The following TTC3 variants were observed in gnomAD, a reference collection of about 807,000 sequenced individuals.
The protein encoded by TTC3 is E3 ubiquitin-protein ligase TTC3.
A neutral mutation model predicts 249.6 loss-of-function variants in TTC3; 180 were observed. The observed-to-expected ratio is 0.72, with a 90% confidence interval of 0.64 to 0.82. The LOEUF (loss-of-function observed/expected upper bound fraction) is 0.82. Ranked by LOEUF, TTC3 falls within the 40% of genes least tolerant of loss-of-function variation. The pLI is 0.00. For synonymous variants in TTC3, 717 were observed against 805.0 expected, an observed-to-expected ratio of 0.89 and a Z score of 1.85; for missense variants, 2,061 against 2,398.4, an observed-to-expected ratio of 0.86 and a Z score of 2.94.
Position 37,150,800 on chromosome 21 carries a change from T to C in TTC3, c.2212-20T>C. On this transcript the variant is annotated intron_variant, in intron 24 of 45. Coordinates refer to ENST00000355666, the Ensembl canonical transcript of TTC3. ...ATGGGAGTATGAGACAAATTTTGGA[T>C]GTCTTTGTTTTATTTAAAGTTTGAA... is the stretch of plus-strand genomic sequence containing the variant. The C allele has an allele frequency of 1.9e-6, 3 of 1,589,784 alleles. No homozygotes were observed. Among genetic ancestry groups the C allele is most frequent in the Non-Finnish European group, 2.6e-6 (3 of 1,159,632 alleles).
chr21:37,166,437 A>G (rs757843147), exon 33 of TTC3: 2 of 1,614,210 alleles, frequency 1.2e-6, no homozygotes, highest in Non-Finnish European at 8.5e-7. Flanking sequence ...CAGATCCTTG[A>G]GGGCTCTTTG....
intron 16 of TTC3, 112 bp downstream of exon 16, chr21:37,129,175 A>T: frequency 1.9e-6 from 1 of 536,098 alleles, no homozygotes; most frequent in East Asian, 3.3e-5. Context: ...TATTATGATG[A>T]CTACCAAAAT....
exon 33 of TTC3, chr21:37,166,035 T>G: frequency 6.2e-7 from 1 of 1,613,996 alleles, no homozygotes; most frequent in Non-Finnish European, 8.5e-7. Flanking sequence ...CCCAAAGGGG[T>G]CTCTTCTAAT....
chr21:37,199,568 G>A (rs1308188814), intron 44 of TTC3, among the ~76,000 whole-genome samples: 1 of 152,224 alleles, frequency 6.6e-6, no homozygotes, highest in East Asian at 1.9e-4. Context: ...GATGTTTGCC[G>A]GATGAGCCAT....
At chr21:37,082,463 T>G in intron 1 of TTC3, 1 of 985,048 alleles carries the variant, frequency 1.0e-6, no homozygotes, top group Non-Finnish European at 1.2e-6. Context: ...GATGCTTGCT[T>G]TCTGAAAGCA....
rs2070337690 is a variant in TTC3, at chr21:37,073,571, C to T, written c.-12+207C>T. On this transcript the variant is annotated intron_variant, in intron 1 of 45. Coordinates refer to ENST00000355666, the Ensembl canonical transcript of TTC3. ...CCGCGCGATGAGGGGGTGTGGCCGC[C>T]ATTGCCTACCCCAGTGGGTTTGCCC... The T allele has an allele frequency of 3.3e-6, 3 of 911,264 alleles. No individual in the cohort carries two copies. In the African/African-American group the frequency reaches 5.4e-5, roughly 16 times the overall value. The allele number at this position is 911,264 out of a possible 1,614,324, so 56.4% of individuals were successfully genotyped here.
rs770311357 is a variant in TTC3 at position 37,132,785 on chromosome 21, C to T, written c.1443+19C>T. 6.4e-6 allele frequency: 10 copies of T among 1,573,172 alleles called. No individual in the cohort carries two copies. In the Admixed American group the frequency reaches 1.1e-4, roughly 18 times the overall value. ...ACACCAGGTAATGGAGAAGCTTTTCCAATGGAAAAAGCAAAACTCTTTGAA... is the reference window on the plus strand; with the variant it reads ...ACACCAGGTAATGGAGAAGCTTTTCTAATGGAAAAAGCAAAACTCTTTGAA... On this transcript the variant is annotated intron_variant, in intron 17 of 45. Coordinates refer to ENST00000355666, the Ensembl canonical transcript of TTC3.
intron 1 of TTC3, among the ~76,000 whole-genome samples, chr21:37,079,747 T>C (rs1403297933): frequency 6.6e-6 from 1 of 152,096 alleles, no homozygotes; most frequent in East Asian, 1.9e-4. Flanking sequence ...TTGGCCAGGC[T>C]CTTCACAAAC....
intron 7 of TTC3, 34 bp downstream of exon 7, chr21:37,091,447 C>T (rs1193972506): frequency 6.4e-7 from 1 of 1,571,720 alleles, no homozygotes; most frequent in South Asian, 1.2e-5. Context: ...TTACTTGACT[C>T]AGTTTTTAAA....
chr21:37,115,365 A>G (rs1481026831), intron 11 of TTC3, among the ~76,000 whole-genome samples: 1 of 152,128 alleles, frequency 6.6e-6, no homozygotes, highest in Non-Finnish European at 1.5e-5. Flanking sequence ...GGCAGAAATT[A>G]AAGAGGCTGA....
At chr21:37,117,092 G>T (rs1201584399) in intron 11 of TTC3, among the ~76,000 whole-genome samples, 2 of 152,054 alleles carry the variant, frequency 1.3e-5, no homozygotes, top group Non-Finnish European at 2.9e-5. Flanking sequence ...GAGAAAAATA[G>T]AATATAGCAA....
intron 12 of TTC3, 55 bp from the exon 13 acceptor site, chr21:37,122,928 C>A: frequency 6.3e-7 from 1 of 1,578,514 alleles, no homozygotes; most frequent in South Asian, 1.1e-5. Context: ...CTTTTAAAGT[C>A]TGTGTTGCCA....
At chr21:37,185,486 G>T (rs556829523) in intron 36 of TTC3, among the ~76,000 whole-genome samples, 88 of 152,198 alleles carry the variant, frequency 5.8e-4, no homozygotes, top group Admixed American at 5.6e-3. Flanking sequence ...ATATGACTTA[G>T]AGTGAAGAAA....
chr21:37,151,002 A>G (rs2079414696), intron 25 of TTC3, 118 bp downstream of exon 25: 1 of 598,296 alleles, frequency 1.7e-6, no homozygotes, highest in Non-Finnish European at 2.8e-6. Flanking sequence ...ATATATTCAA[A>G]TAAGTGTTTT....
chr21:37,130,532 T>G (rs1271651861), intron 16 of TTC3, among the ~76,000 whole-genome samples: 1 of 152,210 alleles, frequency 6.6e-6, no homozygotes, highest in Non-Finnish European at 1.5e-5. Flanking sequence ...TGGAACATAG[T>G]AAATCTTCAG....
At position 37,182,756 on chromosome 21, in the gene TTC3, C is replaced by T. The variant is rs767482680; in HGVS notation, c.4618-18C>T. The T allele has an allele frequency of 1.9e-6, 3 of 1,562,470 alleles. No individual in the cohort carries two copies. The highest frequency in any genetic ancestry group is 2.6e-6 in the Non-Finnish European group (3 of 1,158,228). The stretch of plus-strand genomic sequence containing the variant: ...GTATATTTTGCCATTTATTTAAGTA[C>T]TTTCTAAATGTTTTTAGATCTCAAA... On this transcript the variant is annotated intron_variant, in intron 35 of 45. Transcript: ENST00000355666.
Position 37,185,697 on chromosome 21 carries a change from C to A in TTC3, c.4758-9C>A. The A allele has an allele frequency of 6.6e-7, 1 of 1,520,440 alleles. No homozygotes were observed. Among genetic ancestry groups the A allele is most frequent in the Non-Finnish European group, 8.8e-7 (1 of 1,136,510 alleles). The allele number at this position is 1,520,440 out of a possible 1,614,324, so 94.2% of individuals were successfully genotyped here. A position where few individuals can be genotyped will look rare whatever the true frequency, so the allele number is the denominator to read the frequency against. Reference sequence around the variant, plus strand: ...AATTAATTAATATTTGGTGATTATGCTTTTATAGGTATACCCAGAAAAATG... The same window carrying A: ...AATTAATTAATATTTGGTGATTATGATTTTATAGGTATACCCAGAAAAATG... On this transcript the variant is annotated splice_polypyrimidine_tract_variant and intron_variant, in intron 36 of 45. Coordinates refer to ENST00000355666, the Ensembl canonical transcript of TTC3.
At chr21:37,118,611 G>A (rs1170478453) in intron 11 of TTC3, among the ~76,000 whole-genome samples, 1 of 152,172 alleles carries the variant, frequency 6.6e-6, no homozygotes, top group Admixed American at 6.5e-5. Flanking sequence ...AAGTAGAAAA[G>A]GGAATTAATT....
chr21:37,202,340 C>T (rs1266364013), exon 46 of TTC3: 1 of 152,224 alleles, frequency 6.6e-6, no homozygotes, highest in Non-Finnish European at 1.5e-5. Context: ...CATCCCAGCC[C>T]CCGGTTGGAG....
Sources: gnomAD v4.1 joint callset for allele counts (sites outside exome capture counted in the v4.1 genomes callset) on GRCh38, gnomAD v4.1.1 for gene constraint, MANE v1.5 for transcripts, NCBI Gene and HGNC (gene_info 2026-07-23, HGNC 2026-07-21) for gene names.